The following SCMH1 variants were observed in gnomAD, a reference collection of about 807,000 sequenced individuals.
SCMH1 encodes Scm polycomb group protein homolog 1.
Under a neutral mutation model 70.8 loss-of-function variants are expected in SCMH1, and 37 were observed. That is an observed-to-expected ratio of 0.52 (90% CI 0.40 to 0.69). The LOEUF is 0.69. SCMH1 is among the 30% of genes least tolerant of loss of function. SCMH1 has a pLI of 0.00. For missense variants in SCMH1, 607 were observed against 827.3 expected (o/e 0.73, Z 3.27); for synonymous variants, 292 against 307.4 (o/e 0.95, Z 0.52).
At chr1:41,063,045 A>G (rs191506270) in intron 10 of SCMH1, among the ~76,000 whole-genome samples, 1 of 152,212 alleles carries the variant, frequency 6.6e-6, no homozygotes, top group East Asian at 1.9e-4. Flanking sequence ...AGAAAAGAAG[A>G]TCTAAAAGCA....
At chr1:41,187,038 G>A (rs777576960) in intron 1 of SCMH1, among the ~76,000 whole-genome samples, 4 of 152,056 alleles carry the variant, frequency 2.6e-5, no homozygotes, top group Non-Finnish European at 4.4e-5. Flanking sequence ...TATTACAGTC[G>A]GAGTGGGAGT....
intron 2 of SCMH1, among the ~76,000 whole-genome samples, chr1:41,179,173 T>C (rs898971194): frequency 6.6e-6 from 1 of 152,058 alleles, no homozygotes; most frequent in Non-Finnish European, 1.5e-5. Flanking sequence ...AATAAAGATG[T>C]TCTTTGAAAC....
At chr1:41,241,166 G>C (rs994705598) in intron 1 of SCMH1, among the ~76,000 whole-genome samples, 1 of 152,208 alleles carries the variant, frequency 6.6e-6, no homozygotes, top group African/African-American at 2.4e-5. Flanking sequence ...AAACGGGCTC[G>C]TCAAATTATC....
At chr1:41,090,638 A>G (rs1454876109) in intron 8 of SCMH1, among the ~76,000 whole-genome samples, 10 of 152,198 alleles carry the variant, frequency 6.6e-5, no homozygotes, top group Non-Finnish European at 1.5e-5. Flanking sequence ...TACCCCATAA[A>G]TATGTATAAC....
chr1:41,172,599 G>A (rs746828100), intron 2 of SCMH1, among the ~76,000 whole-genome samples: 22 of 151,890 alleles, frequency 1.4e-4, no homozygotes, highest in Non-Finnish European at 3.2e-4. Context: ...AAATTTGTAC[G>A]GAACCATTAA....
At chr1:41,080,645 A>G (rs1659725288) in intron 8 of SCMH1, among the ~76,000 whole-genome samples, 1 of 152,188 alleles carries the variant, frequency 6.6e-6, no homozygotes, top group Non-Finnish European at 1.5e-5. Context: ...GAACACATAC[A>G]TTCACTAAAT....
intron 1 of SCMH1, among the ~76,000 whole-genome samples, chr1:41,194,649 A>G (rs1262526149): frequency 6.6e-6 from 1 of 152,204 alleles, no homozygotes; most frequent in Non-Finnish European, 1.5e-5. Context: ...ACACAATAAT[A>G]GGTAAACTAG....
exon 15 of SCMH1, chr1:41,028,145 G>T: frequency 5.6e-6 from 9 of 1,611,098 alleles, no homozygotes; most frequent in Non-Finnish European, 7.6e-6. Context: ...ATTCCTAGAA[G>T]AATGCCCCCA....
chr1:41,225,757 T>A (rs1030133105), intron 1 of SCMH1, among the ~76,000 whole-genome samples: 2 of 152,184 alleles, frequency 1.3e-5, no homozygotes, highest in Admixed American at 1.3e-4. Flanking sequence ...ACAGGTGGTT[T>A]AAGAATAGGA....
At chr1:41,057,195 G>A (rs1650656561) in intron 10 of SCMH1, among the ~76,000 whole-genome samples, 1 of 152,198 alleles carries the variant, frequency 6.6e-6, no homozygotes. Flanking sequence ...TCATAGGACT[G>A]TAGAATGCTT....
At chr1:41,156,572 G>A (rs558477548) in intron 4 of SCMH1, among the ~76,000 whole-genome samples, 10 of 152,252 alleles carry the variant, frequency 6.6e-5, no homozygotes, top group Admixed American at 2.0e-4. Context: ...CCTAGTAGCT[G>A]GGACTACAGG....
chr1:41,109,928 T>G (rs944430534), intron 8 of SCMH1, among the ~76,000 whole-genome samples: 1 of 152,178 alleles, frequency 6.6e-6, no homozygotes, highest in Non-Finnish European at 1.5e-5. Context: ...TCCCTAGGCA[T>G]GAAAATGAGA....
intron 8 of SCMH1, among the ~76,000 whole-genome samples, chr1:41,085,909 C>T (rs181186604): frequency 7.8e-5 from 11 of 141,738 alleles, no homozygotes; most frequent in South Asian, 4.5e-4. Context: ...GGCGTGAACT[C>T]GGCTCACTGC....
intron 1 of SCMH1, among the ~76,000 whole-genome samples, chr1:41,230,131 C>G (rs1661022432): frequency 6.6e-6 from 1 of 152,164 alleles, no homozygotes; most frequent in Non-Finnish European, 1.5e-5. Context: ...TGGAAAGCCA[C>G]TGAAGGATTT....
chr1:41,152,770 A>T (rs213768), intron 4 of SCMH1: 1,259,675 of 1,565,780 alleles, frequency 0.8, 509,070 homozygotes, highest in African/African-American at 0.96. Flanking sequence ...CACTGAATGA[A>T]GAAATCTAAA....
chr1:41,070,240 A>C (rs1228662257), intron 10 of SCMH1, among the ~76,000 whole-genome samples: 1 of 152,094 alleles, frequency 6.6e-6, no homozygotes, highest in Non-Finnish European at 1.5e-5. Context: ...AAAATCAGAG[A>C]AATTTCATAC....
exon 14 of SCMH1, chr1:41,028,719 G>T: frequency 6.2e-7 from 1 of 1,613,988 alleles, no homozygotes; most frequent in East Asian, 2.2e-5. Flanking sequence ...CCAGGTATCG[G>T]TCCGACCCTG....
chr1:41,058,886 C>T (rs1164063515), intron 10 of SCMH1, among the ~76,000 whole-genome samples: 2 of 152,158 alleles, frequency 1.3e-5, no homozygotes, highest in Admixed American at 6.5e-5. Context: ...TGTCTTTGTT[C>T]TGCACCTGAG....
At chr1:41,172,083 T>G (rs1161222509) in intron 2 of SCMH1, among the ~76,000 whole-genome samples, 1 of 151,504 alleles carries the variant, frequency 6.6e-6, no homozygotes, top group African/African-American at 2.4e-5. Flanking sequence ...TCCCAACTAC[T>G]TGGAGGCTGA....
Sources: allele counts gnomAD v4.1 joint callset (sites outside exome capture counted in the v4.1 genomes callset), GRCh38; gene constraint gnomAD v4.1.1; transcripts MANE v1.5; gene names NCBI Gene and HGNC (gene_info 2026-07-23, HGNC 2026-07-21).